Variants in SRM observed in about 807,000 individuals in gnomAD.
SRM encodes the protein putrescine aminopropyltransferase.
Under a neutral mutation model 39.3 loss-of-function variants are expected in SRM, and 14 were observed. The ratio of observed to expected loss-of-function variants is 0.36; its 90% CI spans 0.24 to 0.56. The LOEUF is 0.56. SRM is among the 20% of genes least tolerant of loss of function. The pLI is 0.86. For missense variants in SRM, 244 were observed against 409.2 expected, an observed-to-expected ratio of 0.60 and a Z score of 3.48; for synonymous variants, 195 against 173.1, an observed-to-expected ratio of 1.13 and a Z score of -0.99.
Position 11,059,782 on chromosome 1 carries a change from G to A in SRM, c.162C>T (p.Phe54=), listed in dbSNP as rs745870192. ...CCTGCGGGCAGCGGCGGTACCTGCGGAAGACGAGGATGTCCTGGTAGCGCG... is the reference window on the plus strand; with the variant it reads ...CCTGCGGGCAGCGGCGGTACCTGCGAAAGACGAGGATGTCCTGGTAGCGCG... ...RRSRYQDILV[F]RSKTYGNVLV... is the part of the protein sequence containing the mutation. The change falls in exon 1 of 8, where the codon TTC becomes TTT. Residue 54 remains phenylalanine, a synonymous_variant. Coordinates refer to ENST00000376957, the MANE Select transcript of SRM (RefSeq NM_003132.3). 2.5e-6 allele frequency: 4 copies of A among 1,578,616 alleles called. No individual in the cohort carries two copies. Among genetic ancestry groups the A allele is most frequent in the Non-Finnish European group, 3.4e-6 (4 of 1,171,688 alleles).
intron 3 of SRM, among the ~76,000 whole-genome samples, chr1:11,058,454 C>A (rs1166998961): frequency 6.6e-6 from 1 of 150,692 alleles, no homozygotes; most frequent in Non-Finnish European, 1.5e-5. Flanking sequence ...CCAGCTACTC[C>A]GGAGGCTGAG....
At chr1:11,059,510 G>T in intron 1 of SRM, 165 bp from the exon 2 acceptor site, 2 of 1,225,664 alleles carry the variant, frequency 1.6e-6, no homozygotes, top group African/African-American at 1.5e-5. Flanking sequence ...CCGGGTGGAG[G>T]CCGGGGTGGG....
Position 11,056,729 on chromosome 1 carries a change from A to G in SRM, c.410T>C (p.Leu137Pro). ...EDVIQVSKKF[L>P]PGMAIGYSSS... ...AGAGTAGCCAATGGCCATGCCTGGC[A>G]GGAACTTCTTGGAGACTTGGATGAC... Residue 137 changes from leucine to proline, a missense_variant, in exon 4 of 8, where the codon CTG becomes CCG. By Grantham distance (98) the Leu-to-Pro change is moderately conservative (BLOSUM62 -3). Coordinates refer to ENST00000376957, the MANE Select transcript of SRM (RefSeq NM_003132.3). 6.2e-7 allele frequency: 1 copy of G among 1,614,212 alleles called. No homozygotes were observed. Among genetic ancestry groups the G allele is most frequent in the Non-Finnish European group, 8.5e-7 (1 of 1,180,032 alleles).
At chr1:11,059,712 T>C in intron 1 of SRM, 65 bp downstream of exon 1, 1 of 1,500,104 alleles carries the variant, frequency 6.7e-7, no homozygotes, top group Admixed American at 2.1e-5. Context: ...GAGAGGCCCG[T>C]GAGGCGGGCA....
In SRM at chr1:11,054,916, G is replaced by A. The variant is rs748106599; in HGVS notation, c.889-31C>T. On this transcript the variant is annotated intron_variant, in intron 7 of 7. Transcript: ENST00000376957. The surrounding 1 kb of genome is among the most constrained non-coding windows in gnomAD (Gnocchi z 4.8). ...GGGACATGAGGCCAGTCAGGAGGGC[G>A]CTCTGGGTCCCTGGGTCCCACCACC... is the stretch of plus-strand genomic sequence containing the variant. 3.7e-6 allele frequency: 6 copies of A among 1,611,630 alleles called. No homozygotes were observed. The highest frequency in any genetic ancestry group is 5.1e-6 in the Non-Finnish European group (6 of 1,179,778).
Position 11,059,812 on chromosome 1 carries a change from C to A in SRM, c.132G>T (p.Arg44=). The change falls in exon 1 of 8, where the codon CGG becomes CGT. Residue 44 remains arginine, a synonymous_variant. Coordinates refer to ENST00000376957, the MANE Select transcript of SRM (RefSeq NM_003132.3). ...CGAGGATGTCCTGGTAGCGCGAGCG[C>A]CGGTGGTGGAGCAGCTGCTCCACCT... The part of the protein sequence containing the change: ...SLQVEQLLHH[R]RSRYQDILVF... 6.3e-7 allele frequency: 1 copy of A among 1,577,730 alleles called. No individual in the cohort carries two copies. Among genetic ancestry groups the A allele is most frequent in the African/African-American group, 1.4e-5 (1 of 71,486 alleles).
At chr1:11,055,219 G>C (rs1638851197) in intron 6 of SRM, 135 bp from the exon 7 acceptor site, 1 of 1,314,176 alleles carries the variant, frequency 7.6e-7, no homozygotes, top group Non-Finnish European at 1.0e-6. Context: ...CCAGGTTCAA[G>C]TGATTCTCCT....
intron 4 of SRM, among the ~76,000 whole-genome samples, chr1:11,056,331 A>G (rs1479199680): frequency 1.3e-5 from 2 of 152,240 alleles, no homozygotes; most frequent in African/African-American, 4.8e-5. Flanking sequence ...ACTTCAGAGC[A>G]GAGGGGAGGC....
chr1:11,059,258 GT>G lies in SRM; in HGVS notation c.254del (p.Asn85ThrfsTer14). 1 of 1,613,602 alleles carries G rather than the reference GT, an allele frequency of 6.2e-7. No individual in the cohort carries two copies. The highest frequency in any genetic ancestry group is 8.5e-7 in the Non-Finnish European group (1 of 1,179,986). On this transcript the variant is annotated frameshift_variant, in exon 2 of 8. Transcript: ENST00000376957. LOFTEE classifies it high-confidence loss of function. ...DEFSYQEMIA[N>X]LPLCSHPNPR... is the part of the protein sequence containing the mutation. Reference sequence around the variant, plus strand: ...GGTTGGGGTGGCTGCAGAGAGGCAGGTTGGCGATCATCTCCTGGTAGGAGAA... The same window carrying G: ...GGTTGGGGTGGCTGCAGAGAGGCAGGTGGCGATCATCTCCTGGTAGGAGAA...
chr1:11,056,869 CTTCCCTTTTTTTTATTATT>C, intron 3 of SRM, 112 bp from the exon 4 acceptor site: 1 of 1,091,556 alleles, frequency 9.2e-7, no homozygotes, highest in Non-Finnish European at 1.3e-6. Flanking sequence ...TGGCCAACCC[CTTCCCTTTTTTTTATTATT>C]TTTTTTTGAG....
chr1:11,054,906 T>C lies in SRM; in HGVS notation c.889-21A>G, dbSNP rs1293841367. The C allele has an allele frequency of 6.2e-7, 1 of 1,611,476 alleles. No individual in the cohort carries two copies. The highest frequency in any genetic ancestry group is 8.5e-7 in the Non-Finnish European group (1 of 1,179,700). ...AGGGCCTGGAGGGACATGAGGCCAG[T>C]CAGGAGGGCGCTCTGGGTCCCTGGG... On this transcript the variant is annotated intron_variant, in intron 7 of 7. Transcript: ENST00000376957. This position sits in a 1 kb window ranked among gnomAD's most constrained non-coding sequence, Gnocchi z 4.8.
At chr1:11,055,243 G>C (rs1455534914) in intron 6 of SRM, 159 bp from the exon 7 acceptor site, 2 of 1,123,706 alleles carry the variant, frequency 1.8e-6, no homozygotes, top group Non-Finnish European at 2.4e-6. Flanking sequence ...TCAGCCTCAG[G>C]TACGCGCCAC....
intron 2 of SRM, among the ~76,000 whole-genome samples, 156 bp downstream of exon 2, chr1:11,059,069 C>T (rs544923191): frequency 2.0e-5 from 3 of 152,298 alleles, no homozygotes; most frequent in East Asian, 3.9e-4. Context: ...CCTAGGATTC[C>T]GAGGCCGCGT....
At chr1:11,058,167 C>G (rs533478823) in intron 3 of SRM, among the ~76,000 whole-genome samples, 1 of 152,328 alleles carries the variant, frequency 6.6e-6, no homozygotes, top group South Asian at 2.1e-4. Flanking sequence ...CGGGCAACAC[C>G]TGGCACGTAG....
intron 6 of SRM, 176 bp from the exon 7 acceptor site, chr1:11,055,260 C>A (rs975850633): frequency 1.0e-6 from 1 of 959,788 alleles, no homozygotes; most frequent in East Asian, 3.0e-5. Context: ...CCACCACGCC[C>A]GGCTAATTTT....
Position 11,055,029 on chromosome 1 carries a change from A to G in SRM, c.821T>C (p.Met274Thr). The change falls in exon 7 of 8, where the codon ATG becomes ACG. Residue 274 changes from methionine to threonine, a missense_variant. Physicochemically the swap from Met to Thr is moderately conservative, Grantham distance 81 (BLOSUM62 -1). Coordinates refer to ENST00000376957, the MANE Select transcript of SRM (RefSeq NM_003132.3). ...GTCGGAGTTGTAGTACTTCAGCTGCATCTGCGCCACCTGCTGCTGTGTCAG... is the reference window on the plus strand; with the variant it reads ...GTCGGAGTTGTAGTACTTCAGCTGCGTCTGCGCCACCTGCTGCTGTGTCAG... ...QPLTQQQVAQMQLKYYNSDVH... is the reference protein window; with the variant it reads ...QPLTQQQVAQTQLKYYNSDVH... The G allele has an allele frequency of 6.2e-7, 1 of 1,612,420 alleles. No homozygotes were observed. The highest frequency in any genetic ancestry group is 8.5e-7 in the Non-Finnish European group (1 of 1,179,744).
At chr1:11,059,498 CGCCGGGTGGAG>C (rs1184253529) in intron 1 of SRM, 153 bp from the exon 2 acceptor site, 1 of 1,365,440 alleles carries the variant, frequency 7.3e-7, no homozygotes, top group East Asian at 2.3e-5. Flanking sequence ...GCAGGCGGGC[CGCCGGGTGGAG>C]GCCGGGGTGG....
Position 11,054,980 on chromosome 1 carries a change from C to A in SRM, c.870G>T (p.Leu290=). 6.2e-7 allele frequency: 1 copy of A among 1,612,608 alleles called. No homozygotes were observed. The highest frequency in any genetic ancestry group is 8.5e-7 in the Non-Finnish European group (1 of 1,179,934). The change falls in exon 7 of 8, where the codon CTG becomes CTT. Residue 290 remains leucine (L), a synonymous_variant. Coordinates refer to ENST00000376957, the MANE Select transcript of SRM (RefSeq NM_003132.3). This position sits in a 1 kb window ranked among gnomAD's most constrained non-coding sequence, Gnocchi z 4.8. ...CACCCACCTTGCGGGCAAACTCGGG[C>A]AGCACAAAGGCGGCGCGGTGCACGT... The part of the protein sequence containing the change: ...NSDVHRAAFV[L]PEFARKALND...
At position 11,059,915 on chromosome 1, in the gene SRM, G is replaced by A. The variant is rs1350306181; in HGVS notation, c.29C>T (p.Ala10Val). MEPGPDGPA[A>V]SGPAAIREGW... ...CTCGCGGATGGCGGCGGGGCCGGAG[G>A]CGGCGGGGCCGTCGGGGCCGGGCTC... is the stretch of plus-strand genomic sequence containing the variant. The change falls in exon 1 of 8, where the codon GCC becomes GTC. Residue 10 changes from alanine to valine, a missense_variant. Transcript: ENST00000376957. 3.7e-6 allele frequency: 5 copies of A among 1,351,830 alleles called. No homozygotes were observed. Among genetic ancestry groups the A allele is most frequent in the South Asian group, 1.7e-5 (1 of 59,776 alleles). 83.7% of individuals were successfully genotyped at this position (1,351,830 alleles called of 1,614,324 possible).
Sources: allele counts gnomAD v4.1 joint callset (sites outside exome capture counted in the v4.1 genomes callset), GRCh38; gene constraint gnomAD v4.1.1; non-coding constraint Gnocchi (gnomAD v3.1); transcripts MANE v1.5; gene names NCBI Gene and HGNC (gene_info 2026-07-23, HGNC 2026-07-21).